Variants in TMEM130 observed in about 807,000 individuals in gnomAD.
TMEM130 encodes transmembrane protein 130.
Under a neutral mutation model 42.9 loss-of-function variants are expected in TMEM130, and 37 were observed. That is an observed-to-expected ratio of 0.86 (90% CI 0.66 to 1.13). The LOEUF (loss-of-function observed/expected upper bound fraction) is 1.13. Ranked by LOEUF, TMEM130 falls within the 50% of genes most tolerant of loss-of-function variation. The pLI is 0.00. For missense variants in TMEM130, 545 were observed against 562.6 expected, an observed-to-expected ratio of 0.97 and a Z score of 0.32; for synonymous variants, 259 against 237.7, an observed-to-expected ratio of 1.09 and a Z score of -0.82.
chr7:98,856,291 C>G, intron 3 of TMEM130, 108 bp from the exon 4 acceptor site: 1 of 1,080,708 alleles, frequency 9.3e-7, no homozygotes, highest in East Asian at 2.4e-5. Context: ...GGAGGCTGTA[C>G]AGTGATACTC....
chr7:98,869,873 G>A lies in TMEM130; in HGVS notation c.-12C>T, dbSNP rs1554401122. On this transcript the variant is annotated 5_prime_UTR_variant, in exon 1 of 8. Coordinates refer to ENST00000339375, the MANE Select transcript of TMEM130 (RefSeq NM_152913.3). This position sits in a 1 kb window ranked among gnomAD's most constrained non-coding sequence, Gnocchi z 4.7. ...ACTGCCTGGGCCATTGCGGGGCCCG[G>A]AGCGGGAGAAGCGTGGGGCGGACGC... 1.4e-5 allele frequency: 19 copies of A among 1,354,704 alleles called. No individual in the cohort carries two copies. The highest frequency in any genetic ancestry group is 1.7e-5 in the Non-Finnish European group (18 of 1,050,800). 83.9% of individuals were successfully genotyped at this position (1,354,704 alleles called of 1,614,324 possible). A position where few individuals can be genotyped will look rare whatever the true frequency, so the allele number is the denominator to read the frequency against.
Position 98,863,253 on chromosome 7 carries a change from G to A in TMEM130, c.233C>T (p.Pro78Leu), listed in dbSNP as rs369651719. 1.9e-5 allele frequency: 30 copies of A among 1,613,930 alleles called. No individual in the cohort carries two copies. In the African/African-American group the frequency reaches 2.7e-4, roughly 14 times the overall value. ...HLYRFHWIHT[P>L]LVLTGKMEKG... ...CTCCATCTTGCCAGTAAGCACCAGC[G>A]GGGTGTGGATCCAGTGGAAGCGGTA... Residue 78 changes from proline (P) to leucine (L), a missense_variant, in exon 2 of 8, where the codon CCG becomes CTG. Pro to Leu is a moderately conservative substitution (Grantham distance 98). Coordinates refer to ENST00000339375, the MANE Select transcript of TMEM130 (RefSeq NM_152913.3).
At chr7:98,860,384 GA>G in intron 2 of TMEM130, 46 bp from the exon 3 acceptor site, 2 of 1,533,992 alleles carry the variant, frequency 1.3e-6, no homozygotes, top group Non-Finnish European at 1.8e-6. Flanking sequence ...GAGATTCAGG[GA>G]TCAGGAAACC....
intron 3 of TMEM130, 98 bp downstream of exon 3, chr7:98,860,081 A>T: frequency 8.3e-7 from 1 of 1,209,606 alleles, no homozygotes; most frequent in Non-Finnish European, 1.1e-6. Context: ...AAAAAAAAAA[A>T]AAATTAAAGG....
At chr7:98,867,954 C>T (rs782093389) in intron 1 of TMEM130, among the ~76,000 whole-genome samples, 2 of 152,270 alleles carry the variant, frequency 1.3e-5, no homozygotes, top group Admixed American at 6.5e-5. Context: ...TCCAGGCCGG[C>T]GTGGTGGCTC....
chr7:98,859,841 AG>A (rs1794717792), intron 3 of TMEM130, among the ~76,000 whole-genome samples: 1 of 152,012 alleles, frequency 6.6e-6, no homozygotes, highest in Non-Finnish European at 1.5e-5. Flanking sequence ...ACTTGAGGCC[AG>A]GAGTTTGAGA....
In TMEM130 at chr7:98,869,740, T is replaced by C; in HGVS notation, c.85+37A>G. ...AGACGGTTCCAGGCCCCGGGCGGGC[T>C]GCGGCTGCAGGGAGGCCGGATTGCC... is the stretch of plus-strand genomic sequence containing the variant. On this transcript the variant is annotated intron_variant, in intron 1 of 7. Transcript: ENST00000339375. This position sits in a 1 kb window ranked among gnomAD's most constrained non-coding sequence, Gnocchi z 4.7. 7.5e-7 allele frequency: 1 copy of C among 1,336,222 alleles called. No individual in the cohort carries two copies. The highest frequency in any genetic ancestry group is 9.6e-7 in the Non-Finnish European group (1 of 1,040,978). 82.8% of individuals were successfully genotyped at this position (1,336,222 alleles called of 1,614,324 possible).
intron 2 of TMEM130, 135 bp downstream of exon 2, chr7:98,862,960 G>C (rs552984138): frequency 1.0e-6 from 1 of 966,456 alleles, no homozygotes; most frequent in South Asian, 1.6e-5. Context: ...CGACTGACCC[G>C]GGGAAGGAAC....
intron 1 of TMEM130, 128 bp from the exon 2 acceptor site, chr7:98,863,528 G>T: frequency 1.1e-6 from 1 of 950,482 alleles, no homozygotes; most frequent in Non-Finnish European, 1.5e-6. Context: ...CAGCTCAAGT[G>T]ACTTGCCCAA....
At chr7:98,860,392 A>G (rs1260175147) in intron 2 of TMEM130, 54 bp from the exon 3 acceptor site, 4 of 1,518,010 alleles carry the variant, frequency 2.6e-6, no homozygotes, top group Non-Finnish European at 3.6e-6. Flanking sequence ...GGGATCAGGA[A>G]ACCAGGTAGA....
intron 5 of TMEM130, among the ~76,000 whole-genome samples, chr7:98,853,634 A>G (rs34178275): frequency 0.019 from 2,896 of 152,258 alleles, 83 homozygotes; most frequent in African/African-American, 0.06. Context: ...TCTGAAAAAA[A>G]GAAAGAGTCC....
chr7:98,862,951 G>T (rs534675470), intron 2 of TMEM130, 144 bp downstream of exon 2: 3 of 893,978 alleles, frequency 3.4e-6, no homozygotes, highest in East Asian at 2.4e-5. Context: ...TTTCTAACTC[G>T]ACTGACCCGG....
intron 1 of TMEM130, among the ~76,000 whole-genome samples, chr7:98,863,757 CTCCT>C (rs1387195579): frequency 1.2e-4 from 17 of 147,258 alleles, no homozygotes; most frequent in East Asian, 4.0e-4. Context: ...TCTTTTCTCT[CTCCT>C]TCCTTCCTTC....
chr7:98,855,868 C>G (rs1794618834), intron 4 of TMEM130, 149 bp downstream of exon 4: 1 of 975,530 alleles, frequency 1.0e-6, no homozygotes, highest in East Asian at 2.7e-5. Flanking sequence ...AGCGCTCTGT[C>G]TGAAGCAGGG....
chr7:98,864,641 G>A (rs1021676449), intron 1 of TMEM130, among the ~76,000 whole-genome samples: 1 of 151,016 alleles, frequency 6.6e-6, no homozygotes, highest in Non-Finnish European at 1.5e-5. Flanking sequence ...GCTCATGCCT[G>A]TAACCCCAGC....
chr7:98,855,232 T>C lies in TMEM130; in HGVS notation c.803+8A>G. The C allele has an allele frequency of 6.2e-7, 1 of 1,611,834 alleles. No individual in the cohort carries two copies. Among genetic ancestry groups the C allele is most frequent in the Non-Finnish European group, 8.5e-7 (1 of 1,178,588 alleles). On this transcript the variant is annotated splice_region_variant and intron_variant, in intron 5 of 7. Transcript: ENST00000339375. ...GGGCACCCCCAGTGCGCTCTGGAGC[T>C]CACTTACCTCCCCAGGAAGTTCAAG...
In TMEM130 at chr7:98,869,084, T is replaced by C. The variant is rs1794970853; in HGVS notation, c.85+693A>G. On this transcript the variant is annotated intron_variant, in intron 1 of 7. Coordinates refer to ENST00000339375, the MANE Select transcript of TMEM130 (RefSeq NM_152913.3). The surrounding 1 kb of genome is among the most constrained non-coding windows in gnomAD (Gnocchi z 4.7). ...TCTGTCCCTCGAATAGTCTTAAATCTGGGTCCTTTTATGGTTCCCAAAATG... is the reference window on the plus strand; with the variant it reads ...TCTGTCCCTCGAATAGTCTTAAATCCGGGTCCTTTTATGGTTCCCAAAATG... The C allele has an allele frequency of 2.1e-6, 2 of 931,552 alleles. No individual in the cohort carries two copies. Among genetic ancestry groups the C allele is most frequent in the Non-Finnish European group, 1.4e-6 (1 of 703,866 alleles). 57.7% of individuals were successfully genotyped at this position (931,552 alleles called of 1,614,324 possible). A position where few individuals can be genotyped will look rare whatever the true frequency, so the allele number is the denominator to read the frequency against.
intron 1 of TMEM130, among the ~76,000 whole-genome samples, chr7:98,864,777 G>A (rs1477400576): frequency 6.6e-6 from 1 of 152,116 alleles, no homozygotes; most frequent in African/African-American, 2.4e-5. Flanking sequence ...GTGCATGACT[G>A]TAATCCCAGC....
intron 6 of TMEM130, among the ~76,000 whole-genome samples, chr7:98,850,617 T>C (rs887314135): frequency 2.0e-5 from 3 of 151,998 alleles, no homozygotes; most frequent in Non-Finnish European, 4.4e-5. Flanking sequence ...TTTTGCCACG[T>C]TGCCCAGGCT....
Sources: allele counts gnomAD v4.1 joint callset (sites outside exome capture counted in the v4.1 genomes callset), GRCh38; gene constraint gnomAD v4.1.1; non-coding constraint Gnocchi (gnomAD v3.1); transcripts MANE v1.5; gene names NCBI Gene and HGNC (gene_info 2026-07-23, HGNC 2026-07-21).